Variants in MORC4 observed in about 807,000 individuals in gnomAD.
MORC4 encodes MORC family CW-type zinc finger 4.
A neutral mutation model predicts 65.5 loss-of-function variants in MORC4; 22 were observed. The ratio of observed to expected loss-of-function variants is 0.34; its 90% CI spans 0.24 to 0.48. The LOEUF (loss-of-function observed/expected upper bound fraction) is 0.48, where lower values mean the gene tolerates loss of function less well. MORC4 is among the 20% of genes least tolerant of loss of function. The pLI is 0.99. For missense variants in MORC4, 624 were observed against 703.0 expected (o/e 0.89, Z 1.27); for synonymous variants, 267 against 255.8 (o/e 1.04, Z -0.42).
chrX:106,941,407 AG>A lies in MORC4; in HGVS notation c.*71del. 1.4e-6 allele frequency: 1 copy of A among 735,045 alleles called. No individual in the cohort carries two copies. The highest frequency in any genetic ancestry group is 1.9e-6 in the Non-Finnish European group (1 of 523,043). The allele number at this position is 735,045 out of a possible 1,213,427, so 60.6% of individuals were successfully genotyped here. A position where few individuals can be genotyped will look rare whatever the true frequency, so the allele number is the denominator to read the frequency against. ...GAGAGAGAGAGAGAGAGAGAGAGAG[AG>A]AGACGTGAGGGAGGGAGAGAAAAGA... On this transcript the variant is annotated 3_prime_UTR_variant, in exon 17 of 17. Coordinates refer to ENST00000355610, the MANE Select transcript of MORC4 (RefSeq NM_024657.5).
At chrX:106,968,460 A>G (rs755725336) in intron 9 of MORC4, among the ~76,000 whole-genome samples, 3 of 110,130 alleles carry the variant, frequency 2.7e-5, no homozygotes, top group East Asian at 2.9e-4. Context: ...AAATTCACAC[A>G]TAACAATATT....
intron 12 of MORC4, 133 bp downstream of exon 12, chrX:106,956,803 G>C (rs1007162294): frequency 4.0e-6 from 2 of 498,440 alleles, no homozygotes; most frequent in Admixed American, 6.2e-5. Flanking sequence ...TAAAGAACTG[G>C]GAGAGCAGAG....
chrX:106,983,907 A>C (rs1028021080), intron 5 of MORC4, among the ~76,000 whole-genome samples: 2 of 111,034 alleles, frequency 1.8e-5, no homozygotes, highest in African/African-American at 6.5e-5. Flanking sequence ...CTTATTTTTT[A>C]AAGATCTTAT....
intron 14 of MORC4, among the ~76,000 whole-genome samples, chrX:106,947,571 T>TTGTA (rs1555982140): frequency 1.3e-5 from 1 of 77,956 alleles, no homozygotes; most frequent in Non-Finnish European, 2.3e-5. Flanking sequence ...TATATATATA[T>TTGTA]TATATATATA....
chrX:106,976,389 A>G (rs1008396613), intron 9 of MORC4, among the ~76,000 whole-genome samples, 195 bp downstream of exon 9: 6 of 112,036 alleles, frequency 5.4e-5, no homozygotes, highest in Admixed American at 1.9e-4. Context: ...GTTTATCTCA[A>G]CGAGACTCCA....
chrX:106,978,287 C>A, intron 7 of MORC4, 88 bp from the exon 8 acceptor site: 1 of 950,284 alleles, frequency 1.1e-6, no homozygotes. Flanking sequence ...CCATCAAATA[C>A]CAAGGGACAT....
chrX:106,976,572 G>T lies in MORC4; in HGVS notation c.1157+12C>A. On this transcript the variant is annotated intron_variant, in intron 9 of 16. Coordinates refer to ENST00000355610, the MANE Select transcript of MORC4 (RefSeq NM_024657.5). ...AAACTAACGGAAGCACCTCAGGTTG[G>T]GAGTGACTCACCGGTACTCCTTGGT... 3 of 1,141,153 alleles carry T rather than the reference G, an allele frequency of 2.6e-6. No individual in the cohort carries two copies. The highest frequency in any genetic ancestry group is 2.4e-6 in the Non-Finnish European group (2 of 832,985). The allele number at this position is 1,141,153 out of a possible 1,213,427, so 94.0% of individuals were successfully genotyped here.
In MORC4 at chrX:106,981,386, C is replaced by A. The variant is rs371544849; in HGVS notation, c.766G>T (p.Gly256Cys). Residue 256 changes from glycine (G) to cysteine (C), a missense_variant, in exon 6 of 17, where the codon GGT becomes TGT. Physicochemically the swap from Gly to Cys is radical, Grantham distance 159. Coordinates refer to ENST00000355610, the MANE Select transcript of MORC4 (RefSeq NM_024657.5). ...DFDTEEKMTG[G>C]VTSELPETEY... ...GTTTCTGGTAGCTCAGAGGTAACAC[C>A]GCCAGTCATTTTTTCTTCTGTGTCA... 4.1e-6 allele frequency: 5 copies of A among 1,204,930 alleles called. No homozygotes were observed. The highest frequency in any genetic ancestry group is 5.6e-6 in the Non-Finnish European group (5 of 892,110).
At chrX:106,987,854 G>A (rs1246907227) in intron 3 of MORC4, among the ~76,000 whole-genome samples, 3 of 57,275 alleles carry the variant, frequency 5.2e-5, no homozygotes, top group Non-Finnish European at 3.2e-5. Flanking sequence ...TTCCATGGCA[G>A]CAGTCCTTTG....
intron 14 of MORC4, among the ~76,000 whole-genome samples, chrX:106,950,998 T>C (rs1933954104): frequency 8.9e-6 from 1 of 111,942 alleles, no homozygotes; most frequent in Non-Finnish European, 1.9e-5. Flanking sequence ...GAAACACTGA[T>C]TTTTTTTAAA....
At chrX:106,996,384 A>G (rs1018897791) in intron 2 of MORC4, among the ~76,000 whole-genome samples, 1 of 109,558 alleles carries the variant, frequency 9.1e-6, no homozygotes, top group African/African-American at 3.3e-5. Context: ...GAGAGGCACC[A>G]GCAAGCACGG....
At chrX:106,998,753 C>G (rs758715069) in intron 2 of MORC4, among the ~76,000 whole-genome samples, 94 of 112,265 alleles carry the variant, frequency 8.4e-4, no homozygotes, top group African/African-American at 2.9e-3. Context: ...CTCTATCATT[C>G]TTATCACCCT....
chrX:106,964,073 A>C (rs984618607), intron 9 of MORC4, among the ~76,000 whole-genome samples: 18 of 111,854 alleles, frequency 1.6e-4, no homozygotes, highest in African/African-American at 5.2e-4. Context: ...TAATAGATCA[A>C]CTCGACAAAG....
At chrX:106,948,447 A>T (rs1467162022) in intron 14 of MORC4, among the ~76,000 whole-genome samples, 1 of 111,956 alleles carries the variant, frequency 8.9e-6, no homozygotes, top group African/African-American at 3.2e-5. Context: ...ATGTTATTTA[A>T]ATTGGTTAAG....
In MORC4 at chrX:106,999,808, C is replaced by T. The variant is rs1476006745; in HGVS notation, c.103-59G>A. ...GCCTCGGCCCGCCGGGCCCTCCCCG[C>T]GCGCCCCCCGCAGCCCAGGGGCCCG... On this transcript the variant is annotated intron_variant, in intron 1 of 16. Transcript: ENST00000355610. 11 of 942,288 alleles carry T rather than the reference C, an allele frequency of 1.2e-5. No homozygotes were observed. The African/African-American group carries it at 2.4e-4, about 20-fold the overall frequency. The allele number at this position is 942,288 out of a possible 1,213,427, so 77.7% of individuals were successfully genotyped here. A position where few individuals can be genotyped will look rare whatever the true frequency, so the allele number is the denominator to read the frequency against.
Position 106,941,371 on chromosome X carries a change from TGAGAGAGAGAGAGAGAGAGAGA to T in MORC4, c.*86_*107del, listed in dbSNP as rs58310740. The T allele has an allele frequency of 2.0e-5, 8 of 395,886 alleles. No individual in the cohort carries two copies. The highest frequency in any genetic ancestry group is 1.5e-4 in the Admixed American group (3 of 20,147). 32.6% of individuals were successfully genotyped at this position (395,886 alleles called of 1,213,427 possible). Reference sequence around the variant, plus strand: ...TCTATATAAGGCATAAAGGTGAGGGTGAGAGAGAGAGAGAGAGAGAGAGAGAGAGAGAGAGAGAGACGTGAGG... The same window carrying T: ...TCTATATAAGGCATAAAGGTGAGGGTGAGAGAGAGAGAGAGAGACGTGAGG... On this transcript the variant is annotated 3_prime_UTR_variant, in exon 17 of 17. Transcript: ENST00000355610.
At position 106,942,495 on chromosome X, in the gene MORC4, T is replaced by C; in HGVS notation, c.2376+20A>G. ...GGTTACTATGGTCTCTTATTCCTAG[T>C]GGTGAGGTATTACCCTAACCTTTTG... On this transcript the variant is annotated intron_variant, in intron 15 of 16. Transcript: ENST00000355610. 6.8e-6 allele frequency: 8 copies of C among 1,173,845 alleles called. No individual in the cohort carries two copies. Among genetic ancestry groups the C allele is most frequent in the Non-Finnish European group, 9.2e-6 (8 of 868,521 alleles).
rs747548150 is a variant in MORC4 at position 106,981,950 on chromosome X, T to C, written c.675-473A>G. Among the ~76,000 whole-genome samples the C allele has an allele frequency of 4.5e-5, 5 of 112,227 alleles. No individual in the cohort carries two copies. The South Asian group carries it at 1.9e-3, about 42-fold the overall frequency. ...TCTTATTTCTTAAAAGGAAAAAAGA[T>C]TGTTACAAAAGCAGCATATATTTAA... is the stretch of plus-strand genomic sequence containing the variant. On this transcript the variant is annotated intron_variant, in intron 5 of 16. Coordinates refer to ENST00000355610, the MANE Select transcript of MORC4 (RefSeq NM_024657.5).
chrX:106,974,201 A>T (rs922042169), intron 9 of MORC4, among the ~76,000 whole-genome samples: 1 of 111,775 alleles, frequency 8.9e-6, no homozygotes, highest in Non-Finnish European at 1.9e-5. Context: ...TTTATTAGAC[A>T]TACCCATGCC....
Sources: gnomAD v4.1 joint callset for allele counts (sites outside exome capture counted in the v4.1 genomes callset) on GRCh38, gnomAD v4.1.1 for gene constraint, MANE v1.5 for transcripts, NCBI Gene and HGNC (gene_info 2026-07-23, HGNC 2026-07-21) for gene names.